RNF111: variants seen among roughly 807,000 people sequenced by gnomAD.
RNF111 encodes ring finger protein 111, also known as E3 ubiquitin-protein ligase Arkadia.
A neutral mutation model predicts 95.1 loss-of-function variants in RNF111; 17 were observed. The ratio of observed to expected loss-of-function variants is 0.18; its 90% CI spans 0.12 to 0.27. RNF111 has a LOEUF of 0.27. RNF111 is among the 10% of genes least tolerant of loss of function. The pLI is 1.00. For synonymous variants in RNF111, 440 were observed against 414.8 expected, an observed-to-expected ratio of 1.06 and a Z score of -0.74; for missense variants, 1,189 against 1,210.4, an observed-to-expected ratio of 0.98 and a Z score of 0.26.
intron 5 of RNF111, among the ~76,000 whole-genome samples, chr15:59,060,356 G>A (rs1657212819): frequency 1.3e-5 from 2 of 151,784 alleles, no homozygotes; most frequent in East Asian, 1.9e-4. Context: ...TGTAATCCCA[G>A]CTCTTTGGGA....
At chr15:59,093,535 T>A (rs1420213470) in intron 13 of RNF111, 19 of 335,834 alleles carry the variant, frequency 5.7e-5, no homozygotes, top group Non-Finnish European at 2.3e-5. Flanking sequence ...AAACTGGTTT[T>A]GTCATAAAAT....
intron 5 of RNF111, among the ~76,000 whole-genome samples, chr15:59,060,690 C>G (rs2042395394): frequency 1.3e-5 from 2 of 152,064 alleles, no homozygotes; most frequent in South Asian, 2.1e-4. Context: ...ATGAAGAAAC[C>G]TGAGAAGTTA....
intron 10 of RNF111, among the ~76,000 whole-genome samples, chr15:59,088,851 C>A (rs1319333824): frequency 1.3e-5 from 2 of 152,188 alleles, no homozygotes; most frequent in Non-Finnish European, 2.9e-5. Flanking sequence ...GAAACTTATT[C>A]TCTCCATAAG....
chr15:59,038,555 A>G (rs1464726752), intron 2 of RNF111, among the ~76,000 whole-genome samples: 2 of 152,316 alleles, frequency 1.3e-5, no homozygotes, highest in South Asian at 2.1e-4. Context: ...GAAATATGCA[A>G]TGAACTCCCA....
At chr15:58,995,432 G>A (rs1164775804) in intron 1 of RNF111, among the ~76,000 whole-genome samples, 1 of 150,756 alleles carries the variant, frequency 6.6e-6, no homozygotes, top group South Asian at 2.1e-4. Flanking sequence ...GCCTTTCCAA[G>A]TGGGCTCCTG....
intron 1 of RNF111, among the ~76,000 whole-genome samples, chr15:59,000,578 C>T (rs555140323): frequency 6.6e-5 from 10 of 151,838 alleles, no homozygotes; most frequent in Non-Finnish European, 1.2e-4. Flanking sequence ...GGTATGGTGG[C>T]GGGCGCCTAT....
At chr15:59,061,521 A>C (rs1596241707) in intron 5 of RNF111, among the ~76,000 whole-genome samples, 1 of 152,290 alleles carries the variant, frequency 6.6e-6, no homozygotes, top group East Asian at 1.9e-4. Context: ...CCCCAGGGGA[A>C]ATTTTAAAAA....
chr15:59,071,426 A>G (rs2042921271), intron 6 of RNF111, among the ~76,000 whole-genome samples: 1 of 151,960 alleles, frequency 6.6e-6, no homozygotes, highest in South Asian at 2.1e-4. Flanking sequence ...CTTACGCCTG[A>G]AATCCTAGCA....
At chr15:59,089,188 C>G (rs571549421) in intron 10 of RNF111, among the ~76,000 whole-genome samples, 1 of 151,926 alleles carries the variant, frequency 6.6e-6, no homozygotes, top group Non-Finnish European at 1.5e-5. Flanking sequence ...CATATGTAAT[C>G]CATAAATAAT....
chr15:59,061,416 C>G (rs1025299377), intron 5 of RNF111, among the ~76,000 whole-genome samples: 20 of 152,216 alleles, frequency 1.3e-4, no homozygotes, highest in African/African-American at 4.8e-4. Context: ...GAATCCTGGG[C>G]TTTCTGTAGG....
In RNF111 at chr15:59,031,287, A is replaced by G. The variant is rs576230235; in HGVS notation, c.465A>G (p.Ser155=). 9 of 1,614,156 alleles carry G rather than the reference A, an allele frequency of 5.6e-6. No homozygotes were observed. In the South Asian group the frequency reaches 8.8e-5, roughly 16 times the overall value. ...LHFGDSDTVT[S]DEDKEVSVRH... ...TTGGAGATTCTGATACTGTGACTTC[A>G]GATGAGGATAAAGAAGTCTCTGTAA... Residue 155 remains serine (S), a synonymous_variant, in exon 2 of 14, where the codon TCA becomes TCG. Coordinates refer to ENST00000348370, the MANE Select transcript of RNF111 (RefSeq NM_017610.8).
At chr15:59,018,806 G>C (rs1164705612) in intron 1 of RNF111, among the ~76,000 whole-genome samples, 1 of 152,124 alleles carries the variant, frequency 6.6e-6, no homozygotes, top group Non-Finnish European at 1.5e-5. Flanking sequence ...CTGCTTAGCA[G>C]TTAATTTTAT....
chr15:59,083,758 C>A (rs1428743332), intron 8 of RNF111, among the ~76,000 whole-genome samples: 1 of 151,964 alleles, frequency 6.6e-6, no homozygotes. Flanking sequence ...TTTATTTGTG[C>A]CTGCAACATT....
chr15:58,990,977 G>T (rs2038789183), intron 1 of RNF111, among the ~76,000 whole-genome samples: 1 of 152,090 alleles, frequency 6.6e-6, no homozygotes, highest in Non-Finnish European at 1.5e-5. Context: ...TACATGAGGA[G>T]TGAATTACAA....
In RNF111 at chr15:59,091,158, A is replaced by G; in HGVS notation, c.2739+4A>G. The G allele has an allele frequency of 6.5e-7, 1 of 1,543,128 alleles. No individual in the cohort carries two copies. The highest frequency in any genetic ancestry group is 8.9e-7 in the Non-Finnish European group (1 of 1,119,316). On this transcript the variant is annotated splice_donor_region_variant and intron_variant, in intron 12 of 13. Coordinates refer to ENST00000348370, the MANE Select transcript of RNF111 (RefSeq NM_017610.8). ...ATATCCACATAAATACAAAAAGGTA[A>G]GAATTTATTCTATGAAACTTCTGGA... is the stretch of plus-strand genomic sequence containing the variant.
intron 7 of RNF111, among the ~76,000 whole-genome samples, chr15:59,080,124 T>C (rs1174028011): frequency 7.1e-6 from 1 of 141,042 alleles, no homozygotes; most frequent in Non-Finnish European, 1.5e-5. Flanking sequence ...CTTTTTTTTT[T>C]TTTTTTTTTT....
At chr15:59,022,359 G>A (rs34193148) in intron 1 of RNF111, among the ~76,000 whole-genome samples, 12,666 of 152,208 alleles carry the variant, frequency 0.083, 701 homozygotes, top group East Asian at 0.24. Context: ...CTGTCTAAAT[G>A]TAAGGGTGGT....
chr15:59,071,794 A>G, intron 6 of RNF111, among the ~76,000 whole-genome samples: 1 of 152,184 alleles, frequency 6.6e-6, no homozygotes, highest in Middle Eastern at 3.2e-3. Flanking sequence ...GGCTTTCCCT[A>G]AAATCGTATT....
At chr15:59,028,242 A>T (rs1364519722) in intron 1 of RNF111, among the ~76,000 whole-genome samples, 3 of 152,126 alleles carry the variant, frequency 2.0e-5, no homozygotes, top group Non-Finnish European at 4.4e-5. Flanking sequence ...ATCTTACATT[A>T]TGTTATCTTT....
Sources: allele counts gnomAD v4.1 joint callset (sites outside exome capture counted in the v4.1 genomes callset), GRCh38; gene constraint gnomAD v4.1.1; transcripts MANE v1.5; gene names NCBI Gene and HGNC (gene_info 2026-07-23, HGNC 2026-07-21).